PIBF1: variants seen among roughly 807,000 people sequenced by gnomAD.
PIBF1 encodes the protein progesterone-induced-blocking factor 1.
PIBF1 carries 90 observed loss-of-function variants against 112.5 expected under a neutral mutation model. That is an observed-to-expected ratio of 0.80 (90% CI 0.67 to 0.95). PIBF1 has a LOEUF of 0.95. PIBF1 is among the 40% of genes least tolerant of loss of function. The pLI is 0.00. For synonymous variants in PIBF1, 301 were observed against 288.6 expected, an observed-to-expected ratio of 1.04 and a Z score of -0.44; for missense variants, 915 against 852.3, an observed-to-expected ratio of 1.07 and a Z score of -0.92.
At chr13:72,882,334 A>G (rs1452840979) in intron 10 of PIBF1, among the ~76,000 whole-genome samples, 1 of 152,172 alleles carries the variant, frequency 6.6e-6, no homozygotes, top group Non-Finnish European at 1.5e-5. Context: ...AAACTATAAA[A>G]CTACTAAAAC....
At chr13:72,814,278 A>T (rs2036160370) in intron 5 of PIBF1, among the ~76,000 whole-genome samples, 1 of 152,054 alleles carries the variant, frequency 6.6e-6, no homozygotes, top group Non-Finnish European at 1.5e-5. Context: ...TCTACTAAAA[A>T]TACAAAAATT....
At chr13:72,953,652 A>G (rs1189038256) in intron 14 of PIBF1, among the ~76,000 whole-genome samples, 3 of 152,104 alleles carry the variant, frequency 2.0e-5, no homozygotes, top group Non-Finnish European at 2.9e-5. Context: ...ACATGGACAG[A>G]CTCAAGACCT....
chr13:73,009,773 C>G (rs1289080878), intron 17 of PIBF1, among the ~76,000 whole-genome samples: 2 of 152,124 alleles, frequency 1.3e-5, no homozygotes, highest in Non-Finnish European at 2.9e-5. Flanking sequence ...CAGTTAATCC[C>G]CAAGACAAGG....
chr13:72,927,350 A>G (rs1018115220), intron 13 of PIBF1, among the ~76,000 whole-genome samples: 15 of 152,082 alleles, frequency 9.9e-5, no homozygotes, highest in African/African-American at 3.1e-4. Context: ...TAAAAGTACA[A>G]AAAATTAGCC....
chr13:72,806,824 C>A (rs942649245), intron 5 of PIBF1, among the ~76,000 whole-genome samples: 1 of 152,076 alleles, frequency 6.6e-6, no homozygotes, highest in African/African-American at 2.4e-5. Context: ...CCACAATAAA[C>A]ATGTGTGCAT....
At chr13:72,821,697 A>G in intron 5 of PIBF1, 152 bp from the exon 6 acceptor site, 1 of 512,420 alleles carries the variant, frequency 2.0e-6, no homozygotes, top group Non-Finnish European at 3.3e-6. Flanking sequence ...GCCTTTGAAT[A>G]GGGAAAAATT....
intron 8 of PIBF1, among the ~76,000 whole-genome samples, chr13:72,829,165 A>G (rs2036977087): frequency 6.6e-6 from 1 of 152,124 alleles, no homozygotes; most frequent in Non-Finnish European, 1.5e-5. Flanking sequence ...TTCTTTGTAG[A>G]TTCTGGATAT....
intron 8 of PIBF1, among the ~76,000 whole-genome samples, chr13:72,833,105 T>A (rs1307177942): frequency 6.6e-6 from 1 of 152,242 alleles, no homozygotes; most frequent in African/African-American, 2.4e-5. Flanking sequence ...ATGCTGTGTT[T>A]TTCAGCTCCA....
chr13:72,939,529 T>C (rs2041957232), intron 14 of PIBF1, among the ~76,000 whole-genome samples: 1 of 152,212 alleles, frequency 6.6e-6, no homozygotes. Context: ...CTGTTTTTGA[T>C]GTTCATCCAT....
At chr13:72,800,010 T>C (rs1216833331) in intron 5 of PIBF1, among the ~76,000 whole-genome samples, 1 of 152,210 alleles carries the variant, frequency 6.6e-6, no homozygotes, top group Non-Finnish European at 1.5e-5. Context: ...TATTTTTAAA[T>C]AAAAAGCAAA....
intron 17 of PIBF1, among the ~76,000 whole-genome samples, chr13:73,013,040 G>A (rs1316761643): frequency 4.0e-5 from 6 of 151,674 alleles, no homozygotes; most frequent in South Asian, 4.2e-4. Flanking sequence ...GGTGGCTCAC[G>A]CCTGTAATCC....
intron 9 of PIBF1, among the ~76,000 whole-genome samples, chr13:72,846,427 C>A (rs1485401368): frequency 6.6e-6 from 1 of 152,168 alleles, no homozygotes; most frequent in Non-Finnish European, 1.5e-5. Context: ...CAGCTTTCTT[C>A]CTCGCCCTCT....
chr13:72,986,867 A>G (rs1215577434), intron 16 of PIBF1, among the ~76,000 whole-genome samples: 2 of 151,538 alleles, frequency 1.3e-5, no homozygotes, highest in Non-Finnish European at 2.9e-5. Context: ...ATTTTTTTGT[A>G]TTTTTAGTAG....
intron 2 of PIBF1, among the ~76,000 whole-genome samples, chr13:72,790,799 T>C (rs2034885358): frequency 6.6e-6 from 1 of 152,058 alleles, no homozygotes; most frequent in South Asian, 2.1e-4. Flanking sequence ...AAAAAAACAA[T>C]GCACAGGACA....
chr13:72,802,448 A>G (rs2035531312), intron 5 of PIBF1, among the ~76,000 whole-genome samples: 1 of 152,134 alleles, frequency 6.6e-6, no homozygotes. Flanking sequence ...TCAGATCTAG[A>G]TGGTAGCAGG....
intron 15 of PIBF1, among the ~76,000 whole-genome samples, chr13:72,967,063 G>A (rs530600142): frequency 7.3e-4 from 111 of 151,644 alleles, no homozygotes; most frequent in African/African-American, 2.4e-3. Flanking sequence ...AGCCTCCTGA[G>A]TAGCTAGGAT....
chr13:72,996,740 A>C (rs2043686349), intron 16 of PIBF1, among the ~76,000 whole-genome samples: 1 of 152,106 alleles, frequency 6.6e-6, no homozygotes, highest in African/African-American at 2.4e-5. Flanking sequence ...GCACTCTAGC[A>C]TGGACAACAG....
Position 72,908,609 on chromosome 13 carries a change from C to A in PIBF1, c.1567C>A (p.His523Asn), listed in dbSNP as rs115858628. The A allele has an allele frequency of 0.013, 21,759 of 1,612,218 alleles. 206 individuals are homozygous for A. The highest frequency in any genetic ancestry group is 0.017 in the Non-Finnish European group (19,553 of 1,178,478). The change falls in exon 12 of 18, where the codon CAT becomes AAT. Residue 523 changes from histidine to asparagine, a missense_variant. Coordinates refer to ENST00000326291, the MANE Select transcript of PIBF1 (RefSeq NM_006346.4). ...ITELQAQNSEHQARLDIYEKL... is the reference protein window; with the variant it reads ...ITELQAQNSENQARLDIYEKL... The stretch of plus-strand genomic sequence containing the variant: ...TGAACTTCAAGCACAGAACTCAGAG[C>A]ATCAAGCAAGGCTAGACATTTATGA...
intron 12 of PIBF1, among the ~76,000 whole-genome samples, chr13:72,912,855 A>G (rs1036262874): frequency 5.9e-5 from 9 of 152,100 alleles, no homozygotes; most frequent in African/African-American, 1.4e-4. Context: ...ATATAGTATG[A>G]TTATACTGTA....
Sources: allele counts gnomAD v4.1 joint callset (sites outside exome capture counted in the v4.1 genomes callset), GRCh38; gene constraint gnomAD v4.1.1; transcripts MANE v1.5; gene names NCBI Gene and HGNC (gene_info 2026-07-23, HGNC 2026-07-21).